SGSM1: variants seen among roughly 807,000 people sequenced by gnomAD.
SGSM1 encodes the protein RUN and TBC1 domain containing 2.
In SGSM1, 73 loss-of-function variants were observed where a neutral mutation model predicts 133.8. The ratio of observed to expected loss-of-function variants is 0.55; its 90% CI spans 0.45 to 0.66. The LOEUF (loss-of-function observed/expected upper bound fraction) is 0.66, where lower values mean the gene tolerates loss of function less well. SGSM1 is among the 30% of genes least tolerant of loss of function. The pLI is 0.00. For synonymous variants in SGSM1, 563 were observed against 573.0 expected, an observed-to-expected ratio of 0.98 and a Z score of 0.25; for missense variants, 1,213 against 1,448.1, an observed-to-expected ratio of 0.84 and a Z score of 2.64.
intron 21 of SGSM1, 115 bp from the exon 22 acceptor site, chr22:24,912,528 A>ATTAGCTGGGCGCGGTGGC (rs1933664494): frequency 1.5e-6 from 1 of 678,478 alleles, no homozygotes; most frequent in African/African-American, 1.8e-5. Context: ...AATACAAAAA[A>ATTAGCTGGGCGCGGTGGC]GGTCCACCCC....
At chr22:24,900,845 T>A (rs1933134771) in intron 19 of SGSM1, among the ~76,000 whole-genome samples, 1 of 152,234 alleles carries the variant, frequency 6.6e-6, no homozygotes, top group East Asian at 1.9e-4. Context: ...GTTTCATGAT[T>A]TTTGAACATG....
At chr22:24,820,854 A>G (rs935606612) in intron 2 of SGSM1, among the ~76,000 whole-genome samples, 4 of 152,226 alleles carry the variant, frequency 2.6e-5, no homozygotes, top group Admixed American at 2.6e-4. Context: ...GAGGCGGATA[A>G]TGACCGTGCA....
chr22:24,895,946 G>A (rs1164494638), intron 18 of SGSM1, among the ~76,000 whole-genome samples: 1 of 152,068 alleles, frequency 6.6e-6, no homozygotes, highest in Non-Finnish European at 1.5e-5. Context: ...CTGCTCCGGA[G>A]GCTAAGGTGG....
intron 8 of SGSM1, among the ~76,000 whole-genome samples, chr22:24,856,773 T>C (rs139687): frequency 0.1 from 15,091 of 151,094 alleles, 1,450 homozygotes; most frequent in African/African-American, 0.25. Context: ...CTTTTCTTTT[T>C]TTTTTTTTTT....
intron 14 of SGSM1, among the ~76,000 whole-genome samples, chr22:24,881,658 G>T (rs545189051): frequency 1.2e-4 from 19 of 152,218 alleles, no homozygotes; most frequent in African/African-American, 4.6e-4. Context: ...GCCATGCAGC[G>T]TGTGTTGTGT....
At chr22:24,903,884 A>C (rs1299143926) in intron 20 of SGSM1, among the ~76,000 whole-genome samples, 1 of 149,498 alleles carries the variant, frequency 6.7e-6, no homozygotes, top group Non-Finnish European at 1.5e-5. Flanking sequence ...AGACAGGGGA[A>C]TTGCTTGAAC....
At position 24,843,044 on chromosome 22, in the gene SGSM1, A is replaced by G. The variant is rs898573573; in HGVS notation, c.64-1853A>G. On this transcript the variant is annotated intron_variant, in intron 2 of 24. Transcript: ENST00000400358. ...AGCCATGATGGGAGAAAAAAAAAAG[A>G]AAGTGATAAGTTTCAATTTCTACTC... Among the ~76,000 whole-genome samples the G allele has an allele frequency of 3.9e-5, 6 of 152,062 alleles. No homozygotes were observed. The South Asian group carries it at 6.2e-4, about 16-fold the overall frequency.
chr22:24,901,856 G>A lies in SGSM1; in HGVS notation c.2634G>A (p.Thr878=), dbSNP rs760252171. 88 of 1,612,604 alleles carry A rather than the reference G, an allele frequency of 5.5e-5. No individual in the cohort carries two copies. The highest frequency in any genetic ancestry group is 1.6e-4 in the Middle Eastern group (1 of 6,084). Residue 878 remains threonine (T), a synonymous_variant, in exon 20 of 25, where the codon ACG becomes ACA. Transcript: ENST00000400358. ...AGCCAGAGCTGCTGGATCTGTACAC[G>A]GTGAACCTGCACCGCATCGAGAAGG... ...TYSPELLDLY[T]VNLHRIEKDV...
At chr22:24,866,125 A>G (rs1246532836) in intron 9 of SGSM1, among the ~76,000 whole-genome samples, 1 of 152,212 alleles carries the variant, frequency 6.6e-6, no homozygotes, top group East Asian at 1.9e-4. Context: ...TTCTGATGAG[A>G]AAAGCTATTT....
At chr22:24,838,945 A>G (rs1454988596) in intron 2 of SGSM1, among the ~76,000 whole-genome samples, 1 of 149,484 alleles carries the variant, frequency 6.7e-6, no homozygotes, top group Non-Finnish European at 1.5e-5. Flanking sequence ...AAAAAGCACC[A>G]TTGGGATTTT....
intron 16 of SGSM1, among the ~76,000 whole-genome samples, chr22:24,892,006 GA>G (rs1285739167): frequency 6.6e-6 from 1 of 152,142 alleles, no homozygotes; most frequent in African/African-American, 2.4e-5. Flanking sequence ...GCAGCAGTGA[GA>G]GGGGAGGCTG....
intron 2 of SGSM1, among the ~76,000 whole-genome samples, chr22:24,841,008 G>A (rs539971071): frequency 9.0e-4 from 136 of 151,906 alleles, no homozygotes; most frequent in African/African-American, 2.9e-3. Flanking sequence ...CCACCACCAC[G>A]CCCGGCTAAT....
At chr22:24,845,061 T>A in intron 3 of SGSM1, 89 bp downstream of exon 3, 1 of 1,306,026 alleles carries the variant, frequency 7.7e-7, no homozygotes, top group Non-Finnish European at 1.1e-6. Context: ...GCTTTATGAC[T>A]CTGAAGTTAG....
intron 21 of SGSM1, among the ~76,000 whole-genome samples, chr22:24,907,148 T>C (rs1020876787): frequency 6.6e-6 from 1 of 151,096 alleles, no homozygotes; most frequent in Admixed American, 6.6e-5. Flanking sequence ...TAATCCCAGC[T>C]ACTTGGGAGG....
chr22:24,906,112 G>A (rs1367659655), intron 21 of SGSM1, among the ~76,000 whole-genome samples: 1 of 152,116 alleles, frequency 6.6e-6, no homozygotes, highest in African/African-American at 2.4e-5. Context: ...GGTTTGACAT[G>A]CAAAAATCAA....
At chr22:24,917,611 T>C (rs1426403767) in intron 22 of SGSM1, 47 bp from the exon 23 acceptor site, 1 of 1,476,052 alleles carries the variant, frequency 6.8e-7, no homozygotes, top group Admixed American at 1.7e-5. Context: ...TCTCCTCTGC[T>C]CCAACCTTTT....
At chr22:24,909,075 G>A (rs1468026344) in intron 21 of SGSM1, among the ~76,000 whole-genome samples, 1 of 152,128 alleles carries the variant, frequency 6.6e-6, no homozygotes, top group East Asian at 1.9e-4. Context: ...TCTCATAGGA[G>A]CGTGAACCCT....
chr22:24,896,569 A>G (rs77288213), intron 18 of SGSM1, among the ~76,000 whole-genome samples: 3,134 of 151,958 alleles, frequency 0.021, 102 homozygotes, highest in African/African-American at 0.07. Flanking sequence ...AAATTGATTC[A>G]TAATAGTCAA....
chr22:24,854,946 C>A (rs767494220), intron 5 of SGSM1, 50 bp from the exon 6 acceptor site: 1 of 1,466,380 alleles, frequency 6.8e-7, no homozygotes, highest in East Asian at 2.3e-5. Context: ...GTGGATTGTG[C>A]GTCCTCTGCT....
Sources: gnomAD v4.1 joint callset for allele counts (sites outside exome capture counted in the v4.1 genomes callset) on GRCh38, gnomAD v4.1.1 for gene constraint, MANE v1.5 for transcripts, NCBI Gene and HGNC (gene_info 2026-07-23, HGNC 2026-07-21) for gene names.